Variants in PGR observed in about 807,000 individuals in gnomAD.
PGR encodes nuclear receptor subfamily 3 group C member 3.
PGR carries 25 observed loss-of-function variants against 76.1 expected under a neutral mutation model. That is an observed-to-expected ratio of 0.33 (90% CI 0.24 to 0.46). The LOEUF (loss-of-function observed/expected upper bound fraction) is 0.46, where lower values mean the gene tolerates loss of function less well. Among genes scored for constraint, PGR ranks in the 20% least tolerant of loss-of-function variants. The pLI, the probability that PGR is intolerant of heterozygous loss-of-function variation, is 1.00. For synonymous variants in PGR, 579 were observed against 535.0 expected (o/e 1.08, Z -1.14); for missense variants, 1,172 against 1,225.3 (o/e 0.96, Z 0.65).
intron 3 of PGR, 60 bp from the exon 4 acceptor site, chr11:101,062,812 A>G (rs1211914091): frequency 1.3e-5 from 15 of 1,163,950 alleles, no homozygotes; most frequent in Non-Finnish European, 1.8e-5. Context: ...ATCCCAGTAT[A>G]GTATTATTTT....
Position 101,091,867 on chromosome 11 carries a change from T to G in PGR, c.1799A>C (p.Asn600Thr). The change falls in exon 3 of 8, where the codon AAC becomes ACC. Residue 600 changes from asparagine (N) to threonine (T), a missense_variant. Coordinates refer to ENST00000325455, the MANE Select transcript of PGR (RefSeq NM_000926.4). Reference sequence around the variant, plus strand: ...GTCATTTCTTCCAGCACATAAGTAGTTGTGCTGCCCTAAAAAAACAAAATG... The same window carrying G: ...GTCATTTCTTCCAGCACATAAGTAGGTGTGCTGCCCTAAAAAAACAAAATG... The part of the protein sequence containing the change: ...FFKRAMEGQH[N>T]YLCAGRNDCI... 1 of 1,580,164 alleles carries G rather than the reference T, an allele frequency of 6.3e-7. No homozygotes were observed. The highest frequency in any genetic ancestry group is 8.7e-7 in the Non-Finnish European group (1 of 1,149,310).
In PGR at chr11:101,038,050, T is replaced by C. The variant is rs1451095620; in HGVS notation, c.*1066A>G. 4.9e-6 allele frequency: 1 copy of C among 204,980 alleles called. No homozygotes were observed. Among genetic ancestry groups the C allele is most frequent in the Non-Finnish European group, 1.0e-5 (1 of 100,114 alleles). The allele number at this position is 204,980 out of a possible 1,614,324, so 12.7% of individuals were successfully genotyped here. ...CGAAGGTTGAAACATGCATGGAATT[T>C]GTGTCAAAGGGGGAAAATTCTGGAA... On this transcript the variant is annotated 3_prime_UTR_variant, in exon 8 of 8. Coordinates refer to ENST00000325455, the MANE Select transcript of PGR (RefSeq NM_000926.4).
intron 1 of PGR, 84 bp from the exon 2 acceptor site, chr11:101,126,242 G>C: frequency 7.7e-7 from 1 of 1,301,198 alleles, no homozygotes; most frequent in Non-Finnish European, 1.1e-6. Flanking sequence ...AGTATTAACA[G>C]GGTGAAAGGA....
At chr11:101,039,330 T>C in intron 7 of PGR, 59 bp from the exon 8 acceptor site, 1 of 1,242,126 alleles carries the variant, frequency 8.1e-7, no homozygotes, top group East Asian at 2.5e-5. Context: ...TCATATGCTA[T>C]TCAAACATGG....
At chr11:101,059,863 A>AAAAAAAAAAAAAG (rs1565337616) in intron 4 of PGR, among the ~76,000 whole-genome samples, 7 of 141,164 alleles carry the variant, frequency 5.0e-5, no homozygotes, top group Non-Finnish European at 7.8e-5. Flanking sequence ...AAAAAAAAAG[A>AAAAAAAAAAAAAG]AAAAAAAGAA....
At chr11:101,099,743 T>C in intron 2 of PGR, among the ~76,000 whole-genome samples, 1 of 152,112 alleles carries the variant, frequency 6.6e-6, no homozygotes, top group Non-Finnish European at 1.5e-5. Context: ...AGTATCTCCA[T>C]GAATCTCACC....
At chr11:101,066,868 A>G (rs11571206) in intron 3 of PGR, among the ~76,000 whole-genome samples, 1 of 152,160 alleles carries the variant, frequency 6.6e-6, no homozygotes, top group Admixed American at 6.6e-5. Flanking sequence ...TTATGTCCCC[A>G]CAATCACAGT....
intron 3 of PGR, among the ~76,000 whole-genome samples, chr11:101,072,275 G>T (rs1382937952): frequency 6.6e-6 from 1 of 152,106 alleles, no homozygotes; most frequent in Non-Finnish European, 1.5e-5. Flanking sequence ...ACAAGCAAAA[G>T]CTGAGAGATT....
intron 1 of PGR, among the ~76,000 whole-genome samples, chr11:101,126,672 T>C (rs1862848720): frequency 6.6e-6 from 1 of 152,238 alleles, no homozygotes. Context: ...GACACTGTTT[T>C]GCCTATTCAC....
At chr11:101,056,023 C>T (rs1041027392) in intron 4 of PGR, among the ~76,000 whole-genome samples, 13 of 152,126 alleles carry the variant, frequency 8.5e-5, no homozygotes, top group African/African-American at 1.9e-4. Flanking sequence ...GTTAAATTGA[C>T]TTGAACATGC....
intron 6 of PGR, among the ~76,000 whole-genome samples, chr11:101,046,500 G>A (rs372130739): frequency 1.3e-5 from 2 of 150,836 alleles, no homozygotes; most frequent in Middle Eastern, 3.4e-3. Flanking sequence ...TCAACCTACT[G>A]TCTATTCCTG....
At chr11:101,106,162 T>A (rs1387986182) in intron 2 of PGR, among the ~76,000 whole-genome samples, 1 of 152,050 alleles carries the variant, frequency 6.6e-6, no homozygotes, top group Non-Finnish European at 1.5e-5. Context: ...AGGAGATAGG[T>A]GTAGGCAGAG....
intron 1 of PGR, among the ~76,000 whole-genome samples, chr11:101,126,678 T>G (rs1179593045): frequency 6.6e-6 from 1 of 152,230 alleles, no homozygotes; most frequent in Non-Finnish European, 1.5e-5. Flanking sequence ...GTTTTGCCTA[T>G]TCACAACATA....
At chr11:101,041,094 T>C (rs1462647761) in intron 7 of PGR, among the ~76,000 whole-genome samples, 5 of 136,000 alleles carry the variant, frequency 3.7e-5, no homozygotes, top group Admixed American at 1.5e-4. Context: ...ATCATTCTTA[T>C]TTCTCTGAGG....
At chr11:101,087,546 C>T (rs1416642631) in intron 3 of PGR, among the ~76,000 whole-genome samples, 1 of 152,064 alleles carries the variant, frequency 6.6e-6, no homozygotes, top group Non-Finnish European at 1.5e-5. Flanking sequence ...ACTAAGTTCT[C>T]AAAAGCAATT....
chr11:101,062,950 T>G (rs1860569463), intron 3 of PGR, 198 bp from the exon 4 acceptor site: 2 of 476,484 alleles, frequency 4.2e-6, no homozygotes, highest in Non-Finnish European at 7.4e-6. Flanking sequence ...TAAAAAAAAT[T>G]TAGGCCTCAG....
chr11:101,127,817 C>G lies in PGR; in HGVS notation c.1254G>C (p.Pro418=), dbSNP rs769108516. The change falls in exon 1 of 8, where the codon CCG becomes CCC. Residue 418 remains proline (P), a synonymous_variant. Coordinates refer to ENST00000325455, the MANE Select transcript of PGR (RefSeq NM_000926.4). ...GCGGCAGCGGGGGCGGTGGCCCCAA[C>G]GGGAAATCCGGGAAGGCTGCGGGGT... The part of the protein sequence containing the change: ...GANPAAFPDF[P]LGPPPPLPPR... The G allele has an allele frequency of 1.3e-6, 2 of 1,573,146 alleles. No individual in the cohort carries two copies.
At chr11:101,070,972 C>A (rs1860914756) in intron 3 of PGR, among the ~76,000 whole-genome samples, 1 of 152,194 alleles carries the variant, frequency 6.6e-6, no homozygotes, top group South Asian at 2.1e-4. Flanking sequence ...TCAAGCTCTG[C>A]TAAAGGACAA....
intron 2 of PGR, among the ~76,000 whole-genome samples, chr11:101,112,955 C>T (rs2135488990): frequency 6.6e-6 from 1 of 152,282 alleles, no homozygotes; most frequent in African/African-American, 2.4e-5. Context: ...AGCCAAGTTC[C>T]TGACATATGT....
Sources: allele counts gnomAD v4.1 joint callset (sites outside exome capture counted in the v4.1 genomes callset), GRCh38; gene constraint gnomAD v4.1.1; transcripts MANE v1.5; gene names NCBI Gene and HGNC (gene_info 2026-07-23, HGNC 2026-07-21).